The following FOCAD variants were observed in gnomAD, a reference collection of about 807,000 sequenced individuals.
FOCAD encodes the protein focadhesin.
Under a neutral mutation model 225.6 loss-of-function variants are expected in FOCAD, and 198 were observed. That is an observed-to-expected ratio of 0.88 (90% CI 0.78 to 0.99). The LOEUF is 0.99. FOCAD is among the 50% of genes least tolerant of loss of function. The pLI is 0.00. For synonymous variants in FOCAD, 897 were observed against 755.0 expected, an observed-to-expected ratio of 1.19 and a Z score of -3.08; for missense variants, 2,713 against 2,123.6, an observed-to-expected ratio of 1.28 and a Z score of -5.46.
intron 16 of FOCAD, chr9:20,863,410 A>T (rs2131703940): frequency 6.6e-6 from 1 of 152,166 alleles, no homozygotes; most frequent in East Asian, 1.9e-4. Context: ...ATAGTCCTTT[A>T]TATGTTTTAG....
chr9:20,785,821 G>A (rs568543365), intron 10 of FOCAD, among the ~76,000 whole-genome samples: 3 of 152,128 alleles, frequency 2.0e-5, no homozygotes, highest in African/African-American at 7.2e-5. Context: ...ACAGTTTGGG[G>A]GAATGGCCAG....
At position 20,760,960 on chromosome 9, in the gene FOCAD, G is replaced by A. The variant is rs112134708; in HGVS notation, c.494+2769G>A. Among the ~76,000 whole-genome samples, 368 of 151,596 alleles carry A rather than the reference G, an allele frequency of 2.4e-3. 2 individuals are homozygous for A. Among genetic ancestry groups the A allele is most frequent in the Middle Eastern group, 0.017 (5 of 294 alleles). On this transcript the variant is annotated intron_variant, in intron 6 of 43. Transcript: ENST00000338382. ...GTTGTAAGGATAGCTAGCTATTTAT[G>A]TTCATTTTAATATTATGTATATGTC...
intron 11 of FOCAD, among the ~76,000 whole-genome samples, chr9:20,806,733 A>T (rs1822499676): frequency 6.6e-6 from 1 of 152,202 alleles, no homozygotes; most frequent in African/African-American, 2.4e-5. Flanking sequence ...TTACTAGATT[A>T]TTAGCTATTA....
chr9:20,829,100 C>T (rs1183302577), intron 15 of FOCAD, among the ~76,000 whole-genome samples: 2 of 152,002 alleles, frequency 1.3e-5, no homozygotes, highest in South Asian at 2.1e-4. Context: ...CATGAATATA[C>T]GTGCGCATGT....
intron 10 of FOCAD, 113 bp from the exon 11 acceptor site, chr9:20,789,238 C>A: frequency 1.7e-6 from 2 of 1,182,210 alleles, no homozygotes; most frequent in Admixed American, 2.1e-5. Flanking sequence ...AATTTGTATT[C>A]ATTTTGTTGG....
At chr9:20,774,554 G>A (rs1818568346) in intron 8 of FOCAD, among the ~76,000 whole-genome samples, 1 of 152,010 alleles carries the variant, frequency 6.6e-6, no homozygotes, top group Non-Finnish European at 1.5e-5. Context: ...GTACTCTTTT[G>A]CCTTTTTCTT....
intron 5 of FOCAD, among the ~76,000 whole-genome samples, chr9:20,757,110 G>A (rs887489777): frequency 3.3e-5 from 5 of 152,076 alleles, no homozygotes; most frequent in African/African-American, 9.7e-5. Context: ...TGTATTTTTA[G>A]TAGAGACAGG....
chr9:20,819,709 C>A (rs1824110252), intron 11 of FOCAD, 87 bp from the exon 12 acceptor site: 3 of 597,794 alleles, frequency 5.0e-6, no homozygotes, highest in East Asian at 6.7e-5. Context: ...TCATATTATT[C>A]CTCTGGAAAA....
chr9:20,684,109 C>G (rs1199536928), upstream of FOCAD: 1 of 152,330 alleles, frequency 6.6e-6, no homozygotes, highest in African/African-American at 2.4e-5. Context: ...AGTGCGCGGC[C>G]CGGGCCTTAG....
At chr9:20,866,888 C>CTGTTTTTTTTTTTTTTTTTTTTTTT (rs1829315889) in intron 17 of FOCAD, 41 bp from the exon 18 acceptor site, 1 of 327,982 alleles carries the variant, frequency 3.0e-6, no homozygotes, top group Non-Finnish European at 4.3e-6. Flanking sequence ...TGTTTGCTTG[C>CTGTTTTTTTTTTTTTTTTTTTTTTT]TTTTTTTTTT....
chr9:20,851,622 C>G (rs920844981), intron 15 of FOCAD, among the ~76,000 whole-genome samples: 1 of 151,820 alleles, frequency 6.6e-6, no homozygotes, highest in African/African-American at 2.4e-5. Flanking sequence ...TCTGTGTCAC[C>G]TGGCAGCTTG....
chr9:20,865,291 G>T (rs1297962741), intron 16 of FOCAD, among the ~76,000 whole-genome samples: 5 of 152,056 alleles, frequency 3.3e-5, no homozygotes, highest in African/African-American at 1.2e-4. Context: ...GCTTCCCATT[G>T]AAGTTTGGGG....
chr9:20,794,170 G>A (rs991728266), intron 11 of FOCAD, among the ~76,000 whole-genome samples: 8 of 152,178 alleles, frequency 5.3e-5, no homozygotes, highest in African/African-American at 1.9e-4. Context: ...ATTTAACAAT[G>A]TAACTAACCA....
At chr9:20,678,131 T>G (rs1822289067) in intron 2 of FOCAD, among the ~76,000 whole-genome samples, 1 of 152,210 alleles carries the variant, frequency 6.6e-6, no homozygotes, top group East Asian at 1.9e-4. Context: ...CTGGCTTAGA[T>G]CAAACATATT....
chr9:20,785,891 A>G (rs147259840), intron 10 of FOCAD, among the ~76,000 whole-genome samples: 1,679 of 152,270 alleles, frequency 0.011, 8 homozygotes, highest in Non-Finnish European at 0.018. Flanking sequence ...TGAGGGTTCC[A>G]GTTTCTCCCT....
intron 22 of FOCAD, among the ~76,000 whole-genome samples, chr9:20,911,208 C>T (rs1338006508): frequency 1.3e-5 from 2 of 151,952 alleles, no homozygotes; most frequent in Non-Finnish European, 2.9e-5. Flanking sequence ...ATGAAAGGGC[C>T]AGAATTCTAT....
chr9:20,752,866 G>T (rs35280884), intron 5 of FOCAD, among the ~76,000 whole-genome samples: 132,757 of 151,116 alleles, frequency 0.88, 58,455 homozygotes, highest in African/African-American at 0.93. Context: ...CCTTGAAGAG[G>T]TCCTTCACAT....
intron 19 of FOCAD, chr9:20,875,682 C>A (rs1393887089): frequency 6.6e-6 from 1 of 151,936 alleles, no homozygotes; most frequent in Non-Finnish European, 1.5e-5. Context: ...CTCACTTGCC[C>A]CTATTACTAT....
chr9:20,862,508 T>C, intron 15 of FOCAD, 70 bp from the exon 16 acceptor site: 2 of 1,511,420 alleles, frequency 1.3e-6, no homozygotes, highest in Non-Finnish European at 1.8e-6. Flanking sequence ...TAAAATATAG[T>C]ACTCTTAATT....
Sources: allele counts gnomAD v4.1 joint callset (sites outside exome capture counted in the v4.1 genomes callset), GRCh38; gene constraint gnomAD v4.1.1; transcripts MANE v1.5; gene names NCBI Gene and HGNC (gene_info 2026-07-23, HGNC 2026-07-21).